Variants in B3GALT1 observed in about 807,000 individuals in gnomAD.
The protein encoded by B3GALT1 is beta-1,3-galactosyltransferase 1.
In B3GALT1, 10 loss-of-function variants were observed where a neutral mutation model predicts 23.2. The observed-to-expected ratio is 0.43, with a 90% confidence interval of 0.27 to 0.73. The LOEUF is 0.73. B3GALT1 is among the 30% of genes least tolerant of loss of function. The pLI is 0.21. For missense variants in B3GALT1, 299 were observed against 405.4 expected (o/e 0.74, Z 2.25); for synonymous variants, 156 against 141.5 (o/e 1.10, Z -0.73).
intron 4 of B3GALT1, among the ~76,000 whole-genome samples, chr2:167,863,682 T>C (rs1038241855): frequency 1.3e-5 from 2 of 152,194 alleles, no homozygotes; most frequent in African/African-American, 4.8e-5. Context: ...TACATTACTA[T>C]TTCTGGCCCA....
At chr2:167,631,951 C>G (rs1195433699) in intron 2 of B3GALT1, among the ~76,000 whole-genome samples, 1 of 151,808 alleles carries the variant, frequency 6.6e-6, no homozygotes, top group Admixed American at 6.6e-5. Context: ...CCCTACCCCC[C>G]ACCCACTGAC....
At chr2:167,460,845 T>G (rs1699249061) in intron 1 of B3GALT1, among the ~76,000 whole-genome samples, 1 of 152,238 alleles carries the variant, frequency 6.6e-6, no homozygotes, top group Admixed American at 6.5e-5. Flanking sequence ...AAGTGTAAAC[T>G]TAAGATCTTC....
At chr2:167,683,310 C>A (rs1008746634) in intron 3 of B3GALT1, among the ~76,000 whole-genome samples, 1 of 152,186 alleles carries the variant, frequency 6.6e-6, no homozygotes, top group East Asian at 1.9e-4. Context: ...ATCAAAATAA[C>A]TATGAATGTA....
intron 3 of B3GALT1, among the ~76,000 whole-genome samples, chr2:167,816,170 G>A (rs1688988672): frequency 1.3e-5 from 2 of 152,058 alleles, no homozygotes; most frequent in Non-Finnish European, 2.9e-5. Context: ...TTAGGATAAT[G>A]TTCAGTTCAT....
chr2:167,643,786 TA>T (rs1421487974), intron 2 of B3GALT1, among the ~76,000 whole-genome samples: 1 of 152,204 alleles, frequency 6.6e-6, no homozygotes, highest in African/African-American at 2.4e-5. Context: ...CAGTATGATT[TA>T]TATAGGTTGG....
intron 3 of B3GALT1, among the ~76,000 whole-genome samples, chr2:167,720,417 TC>T (rs1451444286): frequency 6.6e-6 from 1 of 152,178 alleles, no homozygotes; most frequent in Non-Finnish European, 1.5e-5. Flanking sequence ...TGGAAATTGT[TC>T]CCAGTTTTTG....
chr2:167,472,439 AT>A (rs1466428509), intron 1 of B3GALT1, among the ~76,000 whole-genome samples: 2 of 152,136 alleles, frequency 1.3e-5, no homozygotes, highest in Non-Finnish European at 2.9e-5. Context: ...CATAGGTCTA[AT>A]TCAGTGTTTC....
chr2:167,294,092 C>T (rs984252976), intron 1 of B3GALT1, among the ~76,000 whole-genome samples: 3 of 152,176 alleles, frequency 2.0e-5, no homozygotes, highest in African/African-American at 7.2e-5. Flanking sequence ...TGCCTGGTGG[C>T]GGCGTAGGGC....
chr2:167,853,658 G>A (rs1055467753), intron 4 of B3GALT1, among the ~76,000 whole-genome samples: 2 of 152,008 alleles, frequency 1.3e-5, no homozygotes, highest in African/African-American at 2.4e-5. Context: ...CCAAAAAATG[G>A]AAAAAGAATA....
rs1056464445 is a variant in B3GALT1 at position 167,322,611 on chromosome 2, G to A, written c.-511+29277G>A. On this transcript the variant is annotated intron_variant, in intron 1 of 4. Transcript: ENST00000392690. ...TGGATATTGAAAAGTATTTGGTAGCGATTTTGCAAGGGAATGAATAAGAGA... is the reference window on the plus strand; with the variant it reads ...TGGATATTGAAAAGTATTTGGTAGCAATTTTGCAAGGGAATGAATAAGAGA... Among the ~76,000 whole-genome samples the A allele has an allele frequency of 7.2e-5, 11 of 151,942 alleles. 1 individual carries two copies. Among genetic ancestry groups the A allele is most frequent in the Admixed American group, 3.9e-4 (6 of 15,260 alleles).
At chr2:167,443,236 C>A (rs925952034) in intron 1 of B3GALT1, among the ~76,000 whole-genome samples, 3 of 151,910 alleles carry the variant, frequency 2.0e-5, no homozygotes, top group Non-Finnish European at 2.9e-5. Context: ...TGATCTATAT[C>A]TCTGTTTTGG....
chr2:167,388,701 G>A (rs1697969966), intron 1 of B3GALT1, among the ~76,000 whole-genome samples: 1 of 152,080 alleles, frequency 6.6e-6, no homozygotes, highest in Non-Finnish European at 1.5e-5. Flanking sequence ...TTAATGCTTC[G>A]CCTCACCCCA....
intron 2 of B3GALT1, among the ~76,000 whole-genome samples, chr2:167,566,566 AAT>A (rs1491038710): frequency 8.2e-5 from 5 of 61,034 alleles, no homozygotes; most frequent in South Asian, 1.1e-3. Context: ...AAAAAGACAA[AAT>A]AAAAAAGAAT....
chr2:167,460,994 G>A (rs569158094), intron 1 of B3GALT1, among the ~76,000 whole-genome samples: 1 of 152,270 alleles, frequency 6.6e-6, no homozygotes, highest in South Asian at 2.1e-4. Flanking sequence ...GAACTTAAGG[G>A]GAGGAAGGTC....
Position 167,865,720 on chromosome 2 carries a change from A to T in B3GALT1, c.-229-3091A>T, listed in dbSNP as rs1690200983. Among the ~76,000 whole-genome samples the T allele has an allele frequency of 2.0e-5, 3 of 152,140 alleles. 1 individual carries two copies. The highest frequency in any genetic ancestry group is 2.0e-4 in the Admixed American group (3 of 15,284). Reference sequence around the variant, plus strand: ...GGCAGGAGAATGGCGTGAACCCGGGAGGCGGAGTTTGCAGTGAGCCGAGAT... The same window carrying T: ...GGCAGGAGAATGGCGTGAACCCGGGTGGCGGAGTTTGCAGTGAGCCGAGAT... On this transcript the variant is annotated intron_variant, in intron 4 of 4. Coordinates refer to ENST00000392690, the MANE Select transcript of B3GALT1 (RefSeq NM_020981.4).
At chr2:167,377,685 C>A (rs938743053) in intron 1 of B3GALT1, among the ~76,000 whole-genome samples, 1 of 151,826 alleles carries the variant, frequency 6.6e-6, no homozygotes, top group Non-Finnish European at 1.5e-5. Context: ...AGATCTTTCT[C>A]CAGCCCTTTA....
intron 1 of B3GALT1, among the ~76,000 whole-genome samples, chr2:167,403,829 A>T (rs183453053): frequency 1.3e-5 from 2 of 152,296 alleles, no homozygotes; most frequent in East Asian, 3.9e-4. Flanking sequence ...AAGGGAGGAC[A>T]TGATCTTTAA....
intron 3 of B3GALT1, among the ~76,000 whole-genome samples, chr2:167,792,333 A>G (rs1688451720): frequency 6.6e-6 from 1 of 152,212 alleles, no homozygotes; most frequent in African/African-American, 2.4e-5. Flanking sequence ...AGATTCCAAA[A>G]TAAGTAAGTC....
At chr2:167,784,099 A>G (rs1344606931) in intron 3 of B3GALT1, among the ~76,000 whole-genome samples, 1 of 152,132 alleles carries the variant, frequency 6.6e-6, no homozygotes, top group Non-Finnish European at 1.5e-5. Context: ...ACTCCAAACC[A>G]TTGCCCCCTG....
Sources: allele counts gnomAD v4.1 joint callset (sites outside exome capture counted in the v4.1 genomes callset), GRCh38; gene constraint gnomAD v4.1.1; transcripts MANE v1.5; gene names NCBI Gene and HGNC (gene_info 2026-07-23, HGNC 2026-07-21).